Variants in TAF3 observed in about 807,000 individuals in gnomAD.
TAF3 encodes transcription initiation factor TFIID subunit 3.
In TAF3, 7 loss-of-function variants were observed where a neutral mutation model predicts 80.6. The observed-to-expected ratio is 0.09, with a 90% CI of 0.05 to 0.16. TAF3 has a LOEUF of 0.16. Ranked by LOEUF, TAF3 falls within the 10% of genes least tolerant of loss-of-function variation. The pLI is 1.00. For synonymous variants in TAF3, 444 were observed against 446.1 expected, an observed-to-expected ratio of 1.00 and a Z score of 0.06; for missense variants, 921 against 1,140.2, an observed-to-expected ratio of 0.81 and a Z score of 2.77.
intron 2 of TAF3, among the ~76,000 whole-genome samples, chr10:7,889,362 G>C (rs1238728875): frequency 6.6e-6 from 1 of 152,204 alleles, no homozygotes; most frequent in South Asian, 2.1e-4. Flanking sequence ...GCCGGGCACT[G>C]TTGTAAACAC....
chr10:7,818,858 A>T lies in TAF3; in HGVS notation c.149A>T (p.His50Leu), dbSNP rs892583385. ...RYLQQLGRGCHRYSELYGRTD... is the reference protein window; with the variant it reads ...RYLQQLGRGCLRYSELYGRTD... Reference sequence around the variant, plus strand: ...CTGCAGCAGCTGGGCCGGGGCTGCCATCGGTACTCTGAGCTCTGTGAGTAC... The same window carrying T: ...CTGCAGCAGCTGGGCCGGGGCTGCCTTCGGTACTCTGAGCTCTGTGAGTAC... Residue 50 changes from histidine (H) to leucine (L), a missense_variant, in exon 1 of 7, where the codon CAT (histidine) becomes CTT (leucine). This residue lies in a region of TAF3 where 106 missense variants were observed against 191.8 expected (regional missense o/e 0.55). Coordinates refer to ENST00000344293, the MANE Select transcript of TAF3 (RefSeq NM_031923.4). The T allele has an allele frequency of 6.6e-7, 1 of 1,523,354 alleles. No homozygotes were observed. Among genetic ancestry groups the T allele is most frequent in the Admixed American group, 2.3e-5 (1 of 44,044 alleles). 94.4% of individuals were successfully genotyped at this position (1,523,354 alleles called of 1,614,324 possible).
At chr10:7,869,246 CGT>C (rs990072669) in intron 2 of TAF3, among the ~76,000 whole-genome samples, 6 of 101,478 alleles carry the variant, frequency 5.9e-5, no homozygotes, top group Non-Finnish European at 1.4e-4. Flanking sequence ...TGACTTCTAC[CGT>C]GTGTGTGTGT....
chr10:7,860,413 C>T (rs1179352469), intron 2 of TAF3, among the ~76,000 whole-genome samples: 1 of 152,078 alleles, frequency 6.6e-6, no homozygotes, highest in Non-Finnish European at 1.5e-5. Context: ...TTGCCCCATC[C>T]CAATCACAGC....
At chr10:7,821,116 C>T (rs187624164) in intron 1 of TAF3, among the ~76,000 whole-genome samples, 158 of 152,288 alleles carry the variant, frequency 1.0e-3, no homozygotes, top group Non-Finnish European at 1.7e-3. Context: ...GTCACTGCAG[C>T]TCTTCAGTGT....
intron 2 of TAF3, among the ~76,000 whole-genome samples, chr10:7,873,204 A>C (rs952526286): frequency 1.3e-5 from 2 of 152,184 alleles, no homozygotes; most frequent in African/African-American, 4.8e-5. Flanking sequence ...GCCATATCAA[A>C]TTAGGGAATT....
At chr10:7,821,300 C>A (rs1229415568) in intron 1 of TAF3, among the ~76,000 whole-genome samples, 2 of 152,108 alleles carry the variant, frequency 1.3e-5, no homozygotes, top group African/African-American at 4.8e-5. Context: ...ATTCTAAAAT[C>A]AAATTCTGTA....
chr10:8,003,305 T>G (rs891053766), intron 4 of TAF3, among the ~76,000 whole-genome samples: 10 of 152,112 alleles, frequency 6.6e-5, no homozygotes, highest in African/African-American at 2.4e-4. Context: ...GTGGTTACCC[T>G]AGAAATTACC....
chr10:8,005,497 G>C (rs1195424324), intron 4 of TAF3, among the ~76,000 whole-genome samples: 1 of 152,218 alleles, frequency 6.6e-6, no homozygotes, highest in Non-Finnish European at 1.5e-5. Flanking sequence ...AGCCCATTGG[G>C]AATCCTTAGT....
intron 2 of TAF3, among the ~76,000 whole-genome samples, chr10:7,856,528 A>G (rs1337998813): frequency 6.6e-6 from 1 of 152,198 alleles, no homozygotes; most frequent in Non-Finnish European, 1.5e-5. Context: ...TTTTTTAAAA[A>G]TTATAGAACC....
At chr10:7,918,600 T>C (rs979979187) in intron 2 of TAF3, among the ~76,000 whole-genome samples, 2 of 152,048 alleles carry the variant, frequency 1.3e-5, no homozygotes, top group Admixed American at 6.5e-5. Context: ...ATTGCTGATA[T>C]AGAAGCGGAT....
chr10:7,823,700 T>C (rs2131097720), intron 1 of TAF3, among the ~76,000 whole-genome samples: 1 of 150,480 alleles, frequency 6.6e-6, no homozygotes, highest in South Asian at 2.1e-4. Flanking sequence ...AGTGGCACGA[T>C]CTCGGCTCAC....
Position 7,992,290 on chromosome 10 carries a change from G to T in TAF3, c.2315+14967G>T, listed in dbSNP as rs141435193. On this transcript the variant is annotated intron_variant, in intron 4 of 6. Transcript: ENST00000344293. Reference sequence around the variant, plus strand: ...AAAGTACCCCAGACAACACTCTCTGGGTTTACATTTTGAAAAGTTGATCTG... The same window carrying T: ...AAAGTACCCCAGACAACACTCTCTGTGTTTACATTTTGAAAAGTTGATCTG... Among the ~76,000 whole-genome samples the T allele has an allele frequency of 1.1e-4, 17 of 152,240 alleles. No homozygotes were observed. In the East Asian group the frequency reaches 3.1e-3, roughly 28 times the overall value.
At chr10:7,883,176 A>G (rs2131156210) in intron 2 of TAF3, among the ~76,000 whole-genome samples, 1 of 152,344 alleles carries the variant, frequency 6.6e-6, no homozygotes, top group Middle Eastern at 3.4e-3. Context: ...GGTTGTGTTC[A>G]GTTAGGAGTC....
chr10:8,013,987 A>G (rs1832080314), intron 6 of TAF3, 150 bp downstream of exon 6: 3 of 631,502 alleles, frequency 4.8e-6, no homozygotes, highest in Non-Finnish European at 8.3e-6. Context: ...GAGCCTGTGA[A>G]GTGCAATTAA....
At chr10:7,986,802 G>A (rs1454190895) in intron 4 of TAF3, among the ~76,000 whole-genome samples, 1 of 151,862 alleles carries the variant, frequency 6.6e-6, no homozygotes, top group Non-Finnish European at 1.5e-5. Context: ...CTAAGAAACA[G>A]GGGAAAAAAG....
chr10:7,931,704 G>A (rs746499573), intron 2 of TAF3, among the ~76,000 whole-genome samples: 3 of 152,228 alleles, frequency 2.0e-5, no homozygotes, highest in Non-Finnish European at 2.9e-5. Flanking sequence ...ATTTTATTAC[G>A]TAAATTAGTT....
At chr10:7,889,088 T>C (rs1328800939) in intron 2 of TAF3, among the ~76,000 whole-genome samples, 2 of 152,206 alleles carry the variant, frequency 1.3e-5, no homozygotes, top group Non-Finnish European at 2.9e-5. Context: ...TTTCAGAACT[T>C]TATTTACTTC....
At chr10:7,861,137 T>G (rs890184725) in intron 2 of TAF3, among the ~76,000 whole-genome samples, 4 of 152,134 alleles carry the variant, frequency 2.6e-5, no homozygotes, top group Admixed American at 6.5e-5. Context: ...AATTTTTTTT[T>G]GTATGTTTAG....
rs200361154 is a variant in TAF3, at chr10:7,825,491, A to G, written c.409+931A>G. Among the ~76,000 whole-genome samples the G allele has an allele frequency of 2.0e-5, 3 of 152,190 alleles. No homozygotes were observed. The East Asian group carries it at 5.8e-4, about 29-fold the overall frequency. ...CTGTTCCCATTAAACATAACTCCCCATTCTCCACCACTTCCAGCCCCTGGC... is the reference window on the plus strand; with the variant it reads ...CTGTTCCCATTAAACATAACTCCCCGTTCTCCACCACTTCCAGCCCCTGGC... On this transcript the variant is annotated intron_variant, in intron 2 of 6. Transcript: ENST00000344293.
Sources: allele counts gnomAD v4.1 joint callset (sites outside exome capture counted in the v4.1 genomes callset), GRCh38; gene constraint gnomAD v4.1.1; regional missense constraint gnomAD v4.1.1; transcripts MANE v1.5; gene names NCBI Gene and HGNC (gene_info 2026-07-23, HGNC 2026-07-21).